Variants in CDH4 observed in about 807,000 individuals in gnomAD.
CDH4 encodes cadherin 4.
CDH4 carries 33 observed loss-of-function variants against 86.0 expected under a neutral mutation model. The ratio of observed to expected loss-of-function variants is 0.38; its 90% CI spans 0.29 to 0.51. The LOEUF (loss-of-function observed/expected upper bound fraction) is 0.51. CDH4 is among the 20% of genes least tolerant of loss of function. CDH4 has a pLI of 0.86. For missense variants in CDH4, 1,114 were observed against 1,307.4 expected, an observed-to-expected ratio of 0.85 and a Z score of 2.28; for synonymous variants, 555 against 549.4, an observed-to-expected ratio of 1.01 and a Z score of -0.14.
chr20:61,921,653 G>A lies in CDH4; in HGVS notation c.1375-1798G>A, dbSNP rs545931493. 2.6e-5 allele frequency among the ~76,000 whole-genome samples: 4 copies of A among 151,996 alleles called. No homozygotes were observed. In the East Asian group the frequency reaches 7.8e-4, roughly 30 times the overall value. On this transcript the variant is annotated intron_variant, in intron 9 of 15. Transcript: ENST00000614565. Reference sequence around the variant, plus strand: ...TGTAATCCCAGCTACTGGGGAGGCTGAGGCAGGAGAATCACTTGAAGCCAG... The same window carrying A: ...TGTAATCCCAGCTACTGGGGAGGCTAAGGCAGGAGAATCACTTGAAGCCAG...
intron 2 of CDH4, among the ~76,000 whole-genome samples, chr20:61,498,667 G>A (rs2085679168): frequency 6.6e-6 from 1 of 152,114 alleles, no homozygotes; most frequent in South Asian, 2.1e-4. Flanking sequence ...GTCCAGGGTG[G>A]TCTAATCTTT....
At chr20:61,500,716 C>G (rs948812503) in intron 2 of CDH4, among the ~76,000 whole-genome samples, 1 of 152,222 alleles carries the variant, frequency 6.6e-6, no homozygotes, top group African/African-American at 2.4e-5. Flanking sequence ...CAGCATTAGG[C>G]AGAGGCATTT....
chr20:61,716,571 G>A (rs113906034), intron 2 of CDH4, among the ~76,000 whole-genome samples: 6,379 of 152,294 alleles, frequency 0.042, 411 homozygotes, highest in African/African-American at 0.13. Flanking sequence ...GTGCAGGCTT[G>A]TGTCCCGCAA....
At chr20:61,755,255 C>T (rs1297991614) in intron 3 of CDH4, among the ~76,000 whole-genome samples, 2 of 150,686 alleles carry the variant, frequency 1.3e-5, no homozygotes, top group African/African-American at 4.9e-5. Context: ...GGGGACACAG[C>T]CAAACCATAT....
intron 2 of CDH4, among the ~76,000 whole-genome samples, chr20:61,366,650 C>T (rs749166441): frequency 6.6e-6 from 1 of 152,248 alleles, no homozygotes; most frequent in Non-Finnish European, 1.5e-5. Context: ...GCAGCAGGAG[C>T]ATGTCCTTAA....
chr20:61,761,227 G>C (rs1233989995), intron 3 of CDH4, among the ~76,000 whole-genome samples: 1 of 152,102 alleles, frequency 6.6e-6, no homozygotes, highest in African/African-American at 2.4e-5. Flanking sequence ...TTAGGGGAGG[G>C]GGGCTCACAT....
At chr20:61,846,229 C>T (rs1982447061) in intron 5 of CDH4, among the ~76,000 whole-genome samples, 2 of 152,230 alleles carry the variant, frequency 1.3e-5, no homozygotes, top group Non-Finnish European at 2.9e-5. Context: ...AGGCTCACGC[C>T]TTGGCTGGGT....
At chr20:61,612,802 C>G (rs951791871) in intron 2 of CDH4, among the ~76,000 whole-genome samples, 1 of 152,104 alleles carries the variant, frequency 6.6e-6, no homozygotes, top group Admixed American at 6.5e-5. Flanking sequence ...AGGCCTGTCA[C>G]CCACAGGGCT....
At chr20:61,329,567 A>T (rs1336298805) in intron 2 of CDH4, among the ~76,000 whole-genome samples, 1 of 152,026 alleles carries the variant, frequency 6.6e-6, no homozygotes, top group Admixed American at 6.5e-5. Flanking sequence ...ACTTTCAATC[A>T]ATCTCTTTCC....
intron 2 of CDH4, among the ~76,000 whole-genome samples, chr20:61,466,756 C>T (rs922648460): frequency 1.2e-4 from 18 of 152,162 alleles, no homozygotes; most frequent in African/African-American, 3.9e-4. Flanking sequence ...GACGCTGAGG[C>T]GGGAGGATCA....
intron 2 of CDH4, among the ~76,000 whole-genome samples, chr20:61,456,395 C>A (rs1007912553): frequency 1.3e-5 from 2 of 152,136 alleles, no homozygotes; most frequent in African/African-American, 4.8e-5. Context: ...CTGATTTTGA[C>A]CCCCCAGTGG....
At chr20:61,294,262 G>A (rs1391102276) in intron 2 of CDH4, among the ~76,000 whole-genome samples, 1 of 152,202 alleles carries the variant, frequency 6.6e-6, no homozygotes, top group African/African-American at 2.4e-5. Flanking sequence ...TCTGCACCGG[G>A]GCCAGGGCTG....
chr20:61,427,705 A>G (rs988016389), intron 2 of CDH4, among the ~76,000 whole-genome samples: 12 of 151,568 alleles, frequency 7.9e-5, no homozygotes, highest in Non-Finnish European at 1.6e-4. Context: ...CAGACCCCCA[A>G]TTTCGTGACA....
intron 2 of CDH4, among the ~76,000 whole-genome samples, chr20:61,736,047 T>C (rs1219036326): frequency 6.6e-6 from 1 of 152,146 alleles, no homozygotes; most frequent in Non-Finnish European, 1.5e-5. Flanking sequence ...TCCCAGAGGA[T>C]GCGGGACCTC....
At chr20:61,379,808 A>G (rs1209474918) in intron 2 of CDH4, among the ~76,000 whole-genome samples, 1 of 152,200 alleles carries the variant, frequency 6.6e-6, no homozygotes, top group East Asian at 1.9e-4. Flanking sequence ...TCCCGCTGCA[A>G]GTTTTAGAGG....
At chr20:61,772,135 C>T (rs1405660434) in intron 3 of CDH4, among the ~76,000 whole-genome samples, 2 of 152,216 alleles carry the variant, frequency 1.3e-5, no homozygotes, top group Non-Finnish European at 2.9e-5. Context: ...AAACTCAGGG[C>T]CATTGCTACT....
chr20:61,564,657 T>C (rs2086249748), intron 2 of CDH4, among the ~76,000 whole-genome samples: 1 of 152,142 alleles, frequency 6.6e-6, no homozygotes, highest in South Asian at 2.1e-4. Flanking sequence ...AAATAAAACC[T>C]CTTTCTTTAT....
rs552839462 is a variant in CDH4, at chr20:61,719,259, G to GT, written c.170-24303dup. The GT allele has an allele frequency of 2.0e-4, 78 of 384,082 alleles. No individual in the cohort carries two copies. In the East Asian group the frequency reaches 4.7e-3, roughly 23 times the overall value. 23.8% of individuals were successfully genotyped at this position (384,082 alleles called of 1,614,324 possible). On this transcript the variant is annotated intron_variant, in intron 2 of 15. Coordinates refer to ENST00000614565, the MANE Select transcript of CDH4 (RefSeq NM_001794.5). Reference sequence around the variant, plus strand: ...AGAGAAGGATGCAAGCCACTGTTTAGTGTCTGGATGTAAAAGAACATTTCT... The same window carrying GT: ...AGAGAAGGATGCAAGCCACTGTTTAGTTGTCTGGATGTAAAAGAACATTTCT...
At position 61,923,509 on chromosome 20, in the gene CDH4, C is replaced by A. The variant is rs763582219; in HGVS notation, c.1433C>A (p.Ala478Glu). Reference protein sequence around the residue: ...FMLTVMVSNQAPLASGIQMSF... With the variant: ...FMLTVMVSNQEPLASGIQMSF... ...CTGACAGTGATGGTGTCCAACCAGG[C>A]GCCCCTGGCCAGCGGAATCCAGATG... The change falls in exon 10 of 16, where the codon GCG (alanine) becomes GAG (glutamate). Residue 478 changes from alanine to glutamate, a missense_variant. Physicochemically the swap from Ala to Glu is moderately radical, Grantham distance 107. Coordinates refer to ENST00000614565, the MANE Select transcript of CDH4 (RefSeq NM_001794.5). 8 of 1,614,046 alleles carry A rather than the reference C, an allele frequency of 5.0e-6. No homozygotes were observed. The African/African-American group carries it at 6.7e-5, about 13-fold the overall frequency.
Sources: allele counts gnomAD v4.1 joint callset (sites outside exome capture counted in the v4.1 genomes callset), GRCh38; gene constraint gnomAD v4.1.1; transcripts MANE v1.5; gene names NCBI Gene and HGNC (gene_info 2026-07-23, HGNC 2026-07-21).